WDFY4: variants seen among roughly 807,000 people sequenced by gnomAD.
The protein encoded by WDFY4 is WDFY family member 4, also known as WD repeat- and FYVE domain-containing protein 4.
WDFY4 carries 169 observed loss-of-function variants against 351.9 expected under a neutral mutation model. That is an observed-to-expected ratio of 0.48 (90% CI 0.42 to 0.55). The LOEUF is 0.55. Ranked by LOEUF, WDFY4 falls within the 20% of genes least tolerant of loss-of-function variation. WDFY4 has a pLI of 0.00. For synonymous variants in WDFY4, 1,622 were observed against 1,574.6 expected (o/e 1.03, Z -0.71); for missense variants, 3,803 against 3,935.6 (o/e 0.97, Z 0.90).
chr10:48,953,082 G>A (rs1302202679), intron 51 of WDFY4, among the ~76,000 whole-genome samples: 7 of 151,994 alleles, frequency 4.6e-5, no homozygotes, highest in African/African-American at 1.7e-4. Context: ...GGAAGATCCC[G>A]CCTCTCCTCA....
chr10:48,950,856 A>G (rs1187826047), intron 51 of WDFY4, among the ~76,000 whole-genome samples: 1 of 152,226 alleles, frequency 6.6e-6, no homozygotes, highest in African/African-American at 2.4e-5. Context: ...ATGTGTGTGC[A>G]GCATGGCCCC....
chr10:48,782,794 A>T (rs953547704), intron 19 of WDFY4, among the ~76,000 whole-genome samples: 3 of 152,224 alleles, frequency 2.0e-5, no homozygotes, highest in Non-Finnish European at 2.9e-5. Flanking sequence ...AAAGATATGG[A>T]GCATTTTAAT....
At chr10:48,710,002 G>A in intron 2 of WDFY4, 36 bp downstream of exon 2, 2 of 1,510,806 alleles carry the variant, frequency 1.3e-6, no homozygotes, top group Non-Finnish European at 1.8e-6. Flanking sequence ...TAAGGTGATA[G>A]GCGCTCTGGG....
Position 48,824,254 on chromosome 10 carries a change from G to A in WDFY4, c.5982+1717G>A, listed in dbSNP as rs547255291. The A allele has an allele frequency of 7.6e-6, 7 of 923,278 alleles. No homozygotes were observed. The East Asian group carries it at 8.2e-4, about 108-fold the overall frequency. 57.2% of individuals were successfully genotyped at this position (923,278 alleles called of 1,614,324 possible). On this transcript the variant is annotated intron_variant, in intron 35 of 61. Coordinates refer to ENST00000325239, the MANE Select transcript of WDFY4 (RefSeq NM_001394531.1). The stretch of plus-strand genomic sequence containing the variant: ...AACCACCCAGCCTCTCTGACCCTTA[G>A]CCTCTTATCCGTACAGTGGGGTAAC...
intron 12 of WDFY4, among the ~76,000 whole-genome samples, chr10:48,755,451 G>T (rs534347468): frequency 6.6e-6 from 1 of 152,182 alleles, no homozygotes; most frequent in Non-Finnish European, 1.5e-5. Context: ...TTGCCTGACG[G>T]CCATGAAGAT....
At chr10:48,978,069 G>A (rs944231283) in intron 59 of WDFY4, among the ~76,000 whole-genome samples, 16 of 152,228 alleles carry the variant, frequency 1.1e-4, no homozygotes, top group African/African-American at 2.9e-4. Flanking sequence ...GATGCACTTA[G>A]GGACATGGGT....
At chr10:48,863,241 C>T (rs1189304327) in intron 39 of WDFY4, among the ~76,000 whole-genome samples, 1 of 152,198 alleles carries the variant, frequency 6.6e-6, no homozygotes, top group Non-Finnish European at 1.5e-5. Flanking sequence ...AATGACAACA[C>T]TTTATTTAAT....
chr10:48,767,417 C>G (rs531417334), intron 13 of WDFY4, among the ~76,000 whole-genome samples: 36 of 152,304 alleles, frequency 2.4e-4, no homozygotes, highest in African/African-American at 8.4e-4. Flanking sequence ...GAAGGTAATA[C>G]ATTTTAGGTA....
chr10:48,791,975 G>A (rs1024993625), intron 23 of WDFY4, among the ~76,000 whole-genome samples: 6 of 152,106 alleles, frequency 3.9e-5, no homozygotes, highest in African/African-American at 1.4e-4. Flanking sequence ...TGTCCCTCCT[G>A]TGTGTAAAAC....
intron 47 of WDFY4, chr10:48,913,286 G>T: frequency 9.4e-7 from 1 of 1,061,760 alleles, no homozygotes; most frequent in Non-Finnish European, 1.4e-6. Flanking sequence ...GGCTGAAAGA[G>T]CTGCTGCAGC....
chr10:48,721,123 G>T, intron 3 of WDFY4, 138 bp from the exon 4 acceptor site: 1 of 729,788 alleles, frequency 1.4e-6, no homozygotes, highest in Non-Finnish European at 2.4e-6. Flanking sequence ...GATGCAGGTG[G>T]CCTTGGGGAT....
rs2064384313 is a variant in WDFY4, at chr10:48,729,532, T to C, written c.1072T>C (p.Phe358Leu). The change falls in exon 8 of 62, where the codon TTT becomes CTT. Residue 358 changes from phenylalanine to leucine, a missense_variant. By Grantham distance (22) the Phe-to-Leu change is conservative. Coordinates refer to ENST00000325239, the MANE Select transcript of WDFY4 (RefSeq NM_001394531.1). The stretch of plus-strand genomic sequence containing the variant: ...CTGTGGGAGGTCAGAGCTGAAGGTG[T>C]TTGACAGCATCACTTACCCTCAGCT... ...TTCGRSELKV[F>L]DSITYPQLEG... 5.8e-6 allele frequency: 9 copies of C among 1,551,708 alleles called. No individual in the cohort carries two copies. The highest frequency in any genetic ancestry group is 7.8e-6 in the Non-Finnish European group (9 of 1,147,000).
chr10:48,867,736 T>A (rs1207919764), intron 40 of WDFY4, among the ~76,000 whole-genome samples: 1 of 152,240 alleles, frequency 6.6e-6, no homozygotes, highest in East Asian at 1.9e-4. Context: ...TGATAGAGAA[T>A]GGATAACCCA....
intron 11 of WDFY4, among the ~76,000 whole-genome samples, chr10:48,738,054 T>TCCTTCATATGTCCATGTTCAGCGTGA (rs748043785): frequency 1.2e-4 from 19 of 152,244 alleles, no homozygotes; most frequent in Non-Finnish European, 2.1e-4. Flanking sequence ...ACTGGCATGT[T>TCCTTCATATGTCCATGTTCAGCGTGA]CTGGCAGGAT....
chr10:48,820,495 A>AGC, intron 33 of WDFY4, 58 bp downstream of exon 33: 1 of 1,522,618 alleles, frequency 6.6e-7, no homozygotes, highest in Non-Finnish European at 8.9e-7. Context: ...GCATACCGGC[A>AGC]CTGCAAGGGC....
At chr10:48,917,221 A>G (rs940513947) in intron 47 of WDFY4, among the ~76,000 whole-genome samples, 16 of 152,204 alleles carry the variant, frequency 1.1e-4, no homozygotes, top group Non-Finnish European at 1.8e-4. Context: ...TATTTCTCAG[A>G]AAGTATTCAC....
At chr10:48,965,692 GC>G (rs1842042984) in intron 54 of WDFY4, among the ~76,000 whole-genome samples, 2 of 145,956 alleles carry the variant, frequency 1.4e-5, no homozygotes, top group South Asian at 2.1e-4. Flanking sequence ...TGTGCTTCTG[GC>G]TGGAAAGAGC....
chr10:48,721,145 A>T, intron 3 of WDFY4, 116 bp from the exon 4 acceptor site: 1 of 961,302 alleles, frequency 1.0e-6, no homozygotes, highest in Non-Finnish European at 1.6e-6. Context: ...TGTAGGCAAG[A>T]TGCCAAAGTC....
chr10:48,780,143 A>G (rs1467889091), intron 19 of WDFY4, 24 bp downstream of exon 19: 30 of 1,550,956 alleles, frequency 1.9e-5, no homozygotes, highest in Non-Finnish European at 2.5e-5. Context: ...TCCAAGCTGC[A>G]CTTGCCCCAC....
Sources: allele counts gnomAD v4.1 joint callset (sites outside exome capture counted in the v4.1 genomes callset), GRCh38; gene constraint gnomAD v4.1.1; transcripts MANE v1.5; gene names NCBI Gene and HGNC (gene_info 2026-07-23, HGNC 2026-07-21).